Variants in RAB30 observed in about 807,000 individuals in gnomAD.
RAB30 encodes ras-related protein Rab-30.
RAB30 carries 9 observed loss-of-function variants against 25.1 expected under a neutral mutation model. That is an observed-to-expected ratio of 0.36 (90% confidence interval 0.22 to 0.63). The LOEUF is 0.63. Among genes scored for constraint, RAB30 ranks in the 20% least tolerant of loss-of-function variants. The probability of loss-of-function intolerance (pLI) is 0.69; values close to 1 mark genes in which losing one functional copy is unlikely to be tolerated. For missense variants in RAB30, 140 were observed against 243.5 expected, an observed-to-expected ratio of 0.58 and a Z score of 2.83; for synonymous variants, 77 against 86.4, an observed-to-expected ratio of 0.89 and a Z score of 0.60.
intron 1 of RAB30, among the ~76,000 whole-genome samples, chr11:83,003,397 T>TTC (rs1857126965): frequency 6.6e-6 from 1 of 152,176 alleles, no homozygotes; most frequent in South Asian, 2.1e-4. Flanking sequence ...ACAGTTAGCA[T>TTC]TCTGGTATAT....
chr11:82,990,133 C>G (rs1349765709), intron 3 of RAB30, among the ~76,000 whole-genome samples: 1 of 152,228 alleles, frequency 6.6e-6, no homozygotes, highest in Admixed American at 6.5e-5. Context: ...TCTAACCACT[C>G]TCACCTTCAG....
At chr11:83,018,026 C>T (rs1158347657) in intron 1 of RAB30, among the ~76,000 whole-genome samples, 2 of 152,164 alleles carry the variant, frequency 1.3e-5, no homozygotes, top group Non-Finnish European at 2.9e-5. Flanking sequence ...TTCCACTGGG[C>T]ATGGTGGCTC....
chr11:83,058,755 C>T lies in RAB30; in HGVS notation c.-9+12936G>A, dbSNP rs563923442. ...TTGTAATAAGTACCTTGTGAAGAAACATTTTGAGACTAGACATCCCCTATT... is the reference window on the plus strand; with the variant it reads ...TTGTAATAAGTACCTTGTGAAGAAATATTTTGAGACTAGACATCCCCTATT... On this transcript the variant is annotated intron_variant, in intron 1 of 4. Coordinates refer to ENST00000527633, the MANE Select transcript of RAB30 (RefSeq NM_001286060.2). 3.9e-5 allele frequency among the ~76,000 whole-genome samples: 6 copies of T among 152,302 alleles called. No individual in the cohort carries two copies. In the South Asian group the frequency reaches 1.2e-3, roughly 32 times the overall value.
At chr11:83,055,658 C>T (rs1017814216) in intron 1 of RAB30, among the ~76,000 whole-genome samples, 3 of 152,174 alleles carry the variant, frequency 2.0e-5, no homozygotes, top group African/African-American at 7.2e-5. Flanking sequence ...AATTTAATCC[C>T]CAATGCATCT....
rs562803637 is a variant in RAB30 at position 82,982,326 on chromosome 11, T to C, written c.451A>G (p.Thr151Ala). ...SEAQDMYYLETSAKESDNVEK... is the reference protein window; with the variant it reads ...SEAQDMYYLEASAKESDNVEK... ...ACATTATCAGATTCCTTGGCTGAGG[T>C]CTCCAGATAATACATGTCCTGAGCT... The change falls in exon 5 of 5, where the codon ACC (threonine) becomes GCC (alanine). Residue 151 changes from threonine to alanine, a missense_variant. Physicochemically the swap from Thr to Ala is moderately conservative, Grantham distance 58. Transcript: ENST00000527633. 3 of 1,614,152 alleles carry C rather than the reference T, an allele frequency of 1.9e-6. No individual in the cohort carries two copies. The highest frequency in any genetic ancestry group is 1.7e-6 in the Non-Finnish European group (2 of 1,180,008).
intron 3 of RAB30, among the ~76,000 whole-genome samples, chr11:82,988,515 T>G (rs1698746883): frequency 6.6e-6 from 1 of 152,254 alleles, no homozygotes; most frequent in South Asian, 2.1e-4. Flanking sequence ...GCCAAGTCAC[T>G]TAATCTCTTT....
intron 4 of RAB30, among the ~76,000 whole-genome samples, chr11:82,984,299 G>A (rs1856696942): frequency 6.6e-6 from 1 of 152,216 alleles, no homozygotes; most frequent in Non-Finnish European, 1.5e-5. Context: ...AGTTATGATT[G>A]TGGAGTTGTT....
chr11:83,041,545 T>A (rs1858116024), intron 1 of RAB30: 1 of 194,812 alleles, frequency 5.1e-6, no homozygotes, highest in Admixed American at 5.4e-5. Context: ...TTTGCAGCTA[T>A]TGAACACCAG....
rs1188271064 is a variant in RAB30, at chr11:83,071,826, A to T, written c.-144T>A. On this transcript the variant is annotated 5_prime_UTR_variant, in exon 1 of 5. Coordinates refer to ENST00000527633, the MANE Select transcript of RAB30 (RefSeq NM_001286060.2). ...GTCCCTGCCCTGGTGCTGCTGCTAC[A>T]CTTAGCTCAGCTGGAGCGAGCGGCA... 2.8e-6 allele frequency: 1 copy of T among 351,238 alleles called. No homozygotes were observed. The highest frequency in any genetic ancestry group is 5.1e-6 in the Non-Finnish European group (1 of 197,070). The allele number at this position is 351,238 out of a possible 1,614,324, so 21.8% of individuals were successfully genotyped here. A position where few individuals can be genotyped will look rare whatever the true frequency, so the allele number is the denominator to read the frequency against.
chr11:83,012,710 A>C (rs2121496171), intron 1 of RAB30, among the ~76,000 whole-genome samples: 1 of 152,338 alleles, frequency 6.6e-6, no homozygotes, highest in East Asian at 1.9e-4. Context: ...GGAAGTGCTC[A>C]GTAAATGTTA....
At chr11:83,003,128 C>T (rs1857120168) in intron 1 of RAB30, among the ~76,000 whole-genome samples, 1 of 152,136 alleles carries the variant, frequency 6.6e-6, no homozygotes, top group Non-Finnish European at 1.5e-5. Context: ...AGTAAGAGGG[C>T]CTGGATCTGT....
At chr11:83,024,788 G>T (rs1324147931) in intron 1 of RAB30, among the ~76,000 whole-genome samples, 1 of 152,214 alleles carries the variant, frequency 6.6e-6, no homozygotes. Flanking sequence ...TGCTGCCTAC[G>T]ATGTACCCCT....
intron 1 of RAB30, among the ~76,000 whole-genome samples, chr11:83,063,979 T>A (rs1425834291): frequency 6.6e-6 from 1 of 152,230 alleles, no homozygotes; most frequent in Non-Finnish European, 1.5e-5. Flanking sequence ...ATATTGCTAG[T>A]ACACATATGG....
At chr11:83,020,833 G>A (rs932923610) in intron 1 of RAB30, among the ~76,000 whole-genome samples, 1 of 152,120 alleles carries the variant, frequency 6.6e-6, no homozygotes, top group Non-Finnish European at 1.5e-5. Context: ...CCTGCTTGTA[G>A]AGTGGAGCCA....
At chr11:83,024,514 A>G (rs1245194559) in intron 1 of RAB30, among the ~76,000 whole-genome samples, 1 of 152,264 alleles carries the variant, frequency 6.6e-6, no homozygotes, top group African/African-American at 2.4e-5. Context: ...GGAAAGTGAT[A>G]TAACATGTAC....
intron 1 of RAB30, among the ~76,000 whole-genome samples, chr11:83,059,256 C>G (rs1389728244): frequency 3.3e-5 from 5 of 152,168 alleles, no homozygotes; most frequent in African/African-American, 1.2e-4. Flanking sequence ...TCCAGGGTTT[C>G]TGTGTGCAAA....
intron 4 of RAB30, among the ~76,000 whole-genome samples, chr11:82,985,815 G>A (rs1462161755): frequency 6.6e-6 from 1 of 150,820 alleles, no homozygotes; most frequent in African/African-American, 2.4e-5. Context: ...GGGCTCAGGT[G>A]ATCCTCCTGC....
intron 1 of RAB30, among the ~76,000 whole-genome samples, chr11:83,042,331 T>C (rs1039312883): frequency 2.6e-5 from 4 of 151,934 alleles, no homozygotes; most frequent in Non-Finnish European, 4.4e-5. Context: ...GGTGGGTGGA[T>C]TGCCTGAGCT....
chr11:82,974,687 T>C lies in RAB30; in HGVS notation c.*7478A>G, dbSNP rs990336929. The C allele has an allele frequency of 6.6e-6, 1 of 152,162 alleles. No individual in the cohort carries two copies. Among genetic ancestry groups the C allele is most frequent in the African/African-American group, 2.4e-5 (1 of 41,460 alleles). The allele number at this position is 152,162 out of a possible 1,614,324, so 9.4% of individuals were successfully genotyped here. A position where few individuals can be genotyped will look rare whatever the true frequency, so the allele number is the denominator to read the frequency against. ...TGTATGTATTAATATTAAAGATCCATGTTTCAATGGAGTGATAGGAAATGT... is the reference window on the plus strand; with the variant it reads ...TGTATGTATTAATATTAAAGATCCACGTTTCAATGGAGTGATAGGAAATGT... On this transcript the variant is annotated 3_prime_UTR_variant, in exon 5 of 5. Coordinates refer to ENST00000527633, the MANE Select transcript of RAB30 (RefSeq NM_001286060.2).
Sources: allele counts gnomAD v4.1 joint callset (sites outside exome capture counted in the v4.1 genomes callset), GRCh38; gene constraint gnomAD v4.1.1; transcripts MANE v1.5; gene names NCBI Gene and HGNC (gene_info 2026-07-23, HGNC 2026-07-21).